The following GSE1 variants were observed in gnomAD, a reference collection of about 807,000 sequenced individuals.
The protein encoded by GSE1 is Gse1 coiled-coil protein.
Under a neutral mutation model 112.6 loss-of-function variants are expected in GSE1, and 32 were observed. The observed-to-expected ratio is 0.28, with a 90% CI of 0.21 to 0.38. GSE1 has a LOEUF of 0.38. GSE1 is among the 10% of genes least tolerant of loss of function. GSE1 has a pLI of 1.00. For synonymous variants in GSE1, 1,115 were observed against 735.6 expected (o/e 1.52, Z -8.35); for missense variants, 2,348 against 1,699.2 (o/e 1.38, Z -6.71).
chr16:85,586,589 A>T (rs2046706566), intron 1 of GSE1, among the ~76,000 whole-genome samples: 1 of 152,230 alleles, frequency 6.6e-6, no homozygotes, highest in African/African-American at 2.4e-5. Context: ...CGCATGGCCA[A>T]GAGTCGCAGC....
At chr16:85,245,161 C>A (rs1331151493) in intron 1 of GSE1, among the ~76,000 whole-genome samples, 1 of 144,312 alleles carries the variant, frequency 6.9e-6, no homozygotes, top group Non-Finnish European at 1.6e-5. Context: ...GACCCTGTCT[C>A]AAGAAACAAA....
intron 2 of GSE1, among the ~76,000 whole-genome samples, chr16:85,509,901 G>A (rs1402029848): frequency 5.9e-5 from 9 of 152,322 alleles, no homozygotes; most frequent in African/African-American, 1.7e-4. Flanking sequence ...CCCTGCAGAC[G>A]GTTCCTCTGA....
intron 1 of GSE1, among the ~76,000 whole-genome samples, chr16:85,341,785 C>G (rs1356728864): frequency 6.6e-6 from 1 of 151,710 alleles, no homozygotes; most frequent in African/African-American, 2.4e-5. Context: ...CAGGTGTGAA[C>G]CACTTCACCT....
chr16:85,267,499 G>C (rs562173220), intron 1 of GSE1, among the ~76,000 whole-genome samples: 1 of 152,070 alleles, frequency 6.6e-6, no homozygotes, highest in African/African-American at 2.4e-5. Flanking sequence ...ATGTGCGCAC[G>C]CATGTACAGG....
chr16:85,334,338 G>A (rs2046438048), intron 1 of GSE1, among the ~76,000 whole-genome samples: 1 of 152,234 alleles, frequency 6.6e-6, no homozygotes, highest in Non-Finnish European at 1.5e-5. Flanking sequence ...ACGCCTCACA[G>A]CATTTCTGGA....
At chr16:85,554,925 G>C (rs1220267013), upstream of GSE1, 2 of 985,262 alleles carry the variant, frequency 2.0e-6, no homozygotes, top group African/African-American at 3.5e-5. Flanking sequence ...CCCTGCCTTC[G>C]GCAGCGGCAC....
chr16:85,417,904 A>G (rs914427302), intron 2 of GSE1, among the ~76,000 whole-genome samples: 1 of 152,096 alleles, frequency 6.6e-6, no homozygotes, highest in Non-Finnish European at 1.5e-5. Context: ...CAGGGGCTCG[A>G]TCTCGGCTCA....
rs537954623 is a variant in GSE1, at chr16:85,622,984, G to T, written c.7+9586G>T. ...GCCTGAGACCATAGGGAGGGGAGGG[G>T]TGCAGACTCTGGCAACCTGGAGAGT... On this transcript the variant is annotated intron_variant, in intron 1 of 15. Coordinates refer to ENST00000253458, the MANE Select transcript of GSE1 (RefSeq NM_014615.5). Among the ~76,000 whole-genome samples, 164 of 152,260 alleles carry T rather than the reference G, an allele frequency of 1.1e-3. 4 individuals are homozygous for T. The South Asian group carries it at 0.026, about 24-fold the overall frequency.
At chr16:85,516,323 C>G (rs2051934969) in intron 2 of GSE1, among the ~76,000 whole-genome samples, 1 of 151,410 alleles carries the variant, frequency 6.6e-6, no homozygotes, top group African/African-American at 2.4e-5. Flanking sequence ...AGCCGGCACC[C>G]ACTCACCAGA....
chr16:85,358,081 G>A (rs890335700), intron 2 of GSE1, among the ~76,000 whole-genome samples: 2 of 152,174 alleles, frequency 1.3e-5, no homozygotes, highest in African/African-American at 4.8e-5. Context: ...AGGCTGCTCT[G>A]TGCGGGGAGA....
intron 2 of GSE1, among the ~76,000 whole-genome samples, chr16:85,545,811 G>C (rs540404524): frequency 1.3e-5 from 2 of 152,296 alleles, no homozygotes; most frequent in African/African-American, 4.8e-5. Context: ...TGGAGACAGA[G>C]TCTCACTGTC....
At chr16:85,644,983 A>G (rs1165945810) in intron 2 of GSE1, among the ~76,000 whole-genome samples, 2 of 152,034 alleles carry the variant, frequency 1.3e-5, no homozygotes, top group African/African-American at 2.4e-5. Context: ...GTCCAGAACG[A>G]ACCCACAGAT....
At chr16:85,186,540 T>C (rs922556734) in intron 1 of GSE1, among the ~76,000 whole-genome samples, 3 of 151,414 alleles carry the variant, frequency 2.0e-5, no homozygotes, top group African/African-American at 4.9e-5. Context: ...GAGGAGTAGG[T>C]TGCAGTGAGC....
intron 1 of GSE1, among the ~76,000 whole-genome samples, chr16:85,296,308 T>TAAAAC (rs1320484699): frequency 1.3e-5 from 2 of 151,880 alleles, no homozygotes; most frequent in African/African-American, 2.4e-5. Flanking sequence ...GTAGTTTCAT[T>TAAAAC]AAAACAAAAC....
intron 1 of GSE1, among the ~76,000 whole-genome samples, chr16:85,237,841 CA>C (rs143803090): frequency 7.1e-6 from 1 of 140,622 alleles, no homozygotes; most frequent in African/African-American, 2.7e-5. Context: ...CTGTCCCCCG[CA>C]AAAAAAAAGA....
intron 1 of GSE1, among the ~76,000 whole-genome samples, chr16:85,569,876 A>G (rs560006358): frequency 6.6e-6 from 1 of 152,278 alleles, no homozygotes; most frequent in Admixed American, 6.5e-5. Context: ...CATTTGTAAT[A>G]CAAGCCCTGG....
intron 1 of GSE1, among the ~76,000 whole-genome samples, chr16:85,193,913 A>G (rs2074876761): frequency 6.6e-6 from 1 of 152,220 alleles, no homozygotes; most frequent in South Asian, 2.1e-4. Flanking sequence ...TGACGTCGAC[A>G]GTCCATAGAT....
rs1039109398 is a variant in GSE1, at chr16:85,660,342, G to A, written c.1641-804G>A. 7.9e-5 allele frequency among the ~76,000 whole-genome samples: 12 copies of A among 152,292 alleles called. No individual in the cohort carries two copies. In the South Asian group the frequency reaches 1.7e-3, roughly 21 times the overall value. On this transcript the variant is annotated intron_variant, in intron 8 of 15. Coordinates refer to ENST00000253458, the MANE Select transcript of GSE1 (RefSeq NM_014615.5). ...TTGGAGCAGCCTGCACACACCTGCCGCAGGTGTTGGAGGGCCGGGCACAGT... is the reference window on the plus strand; with the variant it reads ...TTGGAGCAGCCTGCACACACCTGCCACAGGTGTTGGAGGGCCGGGCACAGT...
At chr16:85,214,625 G>C (rs757685294) in intron 1 of GSE1, among the ~76,000 whole-genome samples, 10 of 152,086 alleles carry the variant, frequency 6.6e-5, no homozygotes, top group Non-Finnish European at 1.0e-4. Context: ...GTGGTTCTTT[G>C]TCACAGTTGC....
Sources: allele counts gnomAD v4.1 joint callset (sites outside exome capture counted in the v4.1 genomes callset), GRCh38; gene constraint gnomAD v4.1.1; transcripts MANE v1.5; gene names NCBI Gene and HGNC (gene_info 2026-07-23, HGNC 2026-07-21).